Variants in CMIP observed in about 807,000 individuals in gnomAD.
CMIP encodes the protein C-Maf-inducing protein.
In CMIP, 13 loss-of-function variants were observed where a neutral mutation model predicts 97.3. The ratio of observed to expected loss-of-function variants is 0.13; its 90% CI spans 0.09 to 0.21. The LOEUF (loss-of-function observed/expected upper bound fraction) is 0.21. Among genes scored for constraint, CMIP ranks in the 10% least tolerant of loss-of-function variants. The pLI, the probability that CMIP is intolerant of heterozygous loss-of-function variation, is 1.00. For synonymous variants in CMIP, 538 were observed against 436.3 expected, an observed-to-expected ratio of 1.23 and a Z score of -2.91; for missense variants, 847 against 1,024.9, an observed-to-expected ratio of 0.83 and a Z score of 2.37.
At chr16:81,554,435 CT>C (rs1295571131) in intron 1 of CMIP, among the ~76,000 whole-genome samples, 2 of 152,214 alleles carry the variant, frequency 1.3e-5, no homozygotes, top group East Asian at 3.8e-4. Flanking sequence ...ACTGTGTGCC[CT>C]GGCAGACATC....
intron 1 of CMIP, among the ~76,000 whole-genome samples, chr16:81,492,562 G>T (rs960857683): frequency 6.6e-6 from 1 of 151,700 alleles, no homozygotes; most frequent in Non-Finnish European, 1.5e-5. Context: ...GTGCTGGCCG[G>T]CTGGGCCTTG....
intron 3 of CMIP, among the ~76,000 whole-genome samples, chr16:81,622,892 C>T (rs2092011405): frequency 6.6e-6 from 1 of 152,190 alleles, no homozygotes; most frequent in South Asian, 2.1e-4. Flanking sequence ...TTTAAAAGCT[C>T]GGCCTTGAAA....
At chr16:81,597,600 G>A (rs1023170363) in intron 1 of CMIP, among the ~76,000 whole-genome samples, 4 of 151,562 alleles carry the variant, frequency 2.6e-5, no homozygotes, top group Non-Finnish European at 4.4e-5. Context: ...GAGCGGGGGG[G>A]GGGGAGTCTC....
At chr16:81,657,253 C>G (rs985759129) in intron 4 of CMIP, among the ~76,000 whole-genome samples, 3 of 152,196 alleles carry the variant, frequency 2.0e-5, no homozygotes, top group African/African-American at 4.8e-5. Context: ...GCTAAAACAT[C>G]TCGGGCCCAC....
intron 1 of CMIP, among the ~76,000 whole-genome samples, chr16:81,488,042 ATTG>A (rs1330538190): frequency 1.3e-5 from 2 of 151,736 alleles, no homozygotes; most frequent in African/African-American, 2.4e-5. Context: ...ATTTTTATTT[ATTG>A]TTGTTTTATT....
chr16:81,510,759 G>A (rs540474970), intron 1 of CMIP, among the ~76,000 whole-genome samples: 364 of 151,822 alleles, frequency 2.4e-3, no homozygotes, highest in Non-Finnish European at 3.9e-3. Flanking sequence ...TTGTTCTGTC[G>A]CCCAGGCTGG....
chr16:81,596,399 G>A (rs796738574), intron 1 of CMIP, among the ~76,000 whole-genome samples: 6 of 151,692 alleles, frequency 4.0e-5, no homozygotes, highest in African/African-American at 1.2e-4. Context: ...CCTGCTACTC[G>A]GGAGGCTGAG....
At chr16:81,702,786 A>AG (rs1907567870) in intron 17 of CMIP, 117 bp downstream of exon 17, 1 of 866,862 alleles carries the variant, frequency 1.2e-6, no homozygotes, top group South Asian at 1.4e-5. Flanking sequence ...GCGGGGCACA[A>AG]GGACCCCCTA....
At chr16:81,670,826 T>TTTTGTTTG (rs957425268) in intron 8 of CMIP, among the ~76,000 whole-genome samples, 1 of 152,024 alleles carries the variant, frequency 6.6e-6, no homozygotes, top group African/African-American at 2.4e-5. Context: ...TTCTCATCTC[T>TTTTGTTTG]TTTGTTTGTT....
chr16:81,555,610 G>C (rs536346553), intron 1 of CMIP, among the ~76,000 whole-genome samples: 17 of 152,342 alleles, frequency 1.1e-4, no homozygotes, highest in African/African-American at 4.1e-4. Flanking sequence ...AGAGATCTGA[G>C]ATGACCCCAT....
chr16:81,677,166 G>A (rs888984008), intron 9 of CMIP, among the ~76,000 whole-genome samples: 1 of 152,132 alleles, frequency 6.6e-6, no homozygotes, highest in Non-Finnish European at 1.5e-5. Flanking sequence ...GGCAAGAGTA[G>A]CAGGAAGAAA....
chr16:81,676,729 G>A (rs144582095), intron 9 of CMIP, among the ~76,000 whole-genome samples: 37 of 152,218 alleles, frequency 2.4e-4, no homozygotes, highest in African/African-American at 7.7e-4. Flanking sequence ...GCATGTGCTG[G>A]ATACATTCAG....
At chr16:81,699,623 A>C in intron 14 of CMIP, 62 bp from the exon 15 acceptor site, 1 of 1,106,196 alleles carries the variant, frequency 9.0e-7, no homozygotes, top group Non-Finnish European at 1.4e-6. Context: ...ACTTCCTGCC[A>C]GCACGCTGGA....
chr16:81,696,409 A>G, intron 13 of CMIP, 151 bp from the exon 14 acceptor site: 1 of 737,098 alleles, frequency 1.4e-6, no homozygotes, highest in South Asian at 1.7e-5. Context: ...CATTTGGTGG[A>G]AGGCTGGGGG....
chr16:81,600,150 G>C (rs1356731603), intron 1 of CMIP, among the ~76,000 whole-genome samples: 1 of 151,874 alleles, frequency 6.6e-6, no homozygotes, highest in Non-Finnish European at 1.5e-5. Context: ...GTGGTGGTGG[G>C]TGACTGTAAT....
In CMIP at chr16:81,621,953, C is replaced by T. The variant is rs2091998120; in HGVS notation, c.477+1027C>T. On this transcript the variant is annotated intron_variant, in intron 3 of 20. Transcript: ENST00000537098. The surrounding 1 kb of genome is among the most constrained non-coding windows in gnomAD (Gnocchi z 4.1). ...GTCCTCTTGCTTTGTGCTGTGGGGC[C>T]AAGTCTCAGAAGCTGAGCTGAGTCT... The T allele has an allele frequency of 6.6e-6, 1 of 152,246 alleles. No homozygotes were observed. The highest frequency in any genetic ancestry group is 6.5e-5 in the Admixed American group (1 of 15,280). The allele number at this position is 152,246 out of a possible 1,614,324, so 9.4% of individuals were successfully genotyped here. A position where few individuals can be genotyped will look rare whatever the true frequency, so the allele number is the denominator to read the frequency against.
At chr16:81,588,971 A>G (rs1265174527) in intron 1 of CMIP, among the ~76,000 whole-genome samples, 1 of 152,108 alleles carries the variant, frequency 6.6e-6, no homozygotes, top group African/African-American at 2.4e-5. Context: ...ATATAAAGTC[A>G]GGTTTTCTGT....
At chr16:81,584,448 G>A (rs1015687255) in intron 1 of CMIP, among the ~76,000 whole-genome samples, 2 of 152,192 alleles carry the variant, frequency 1.3e-5, no homozygotes, top group East Asian at 1.9e-4. Context: ...GTAAGGCCAT[G>A]TTTGTATATG....
At chr16:81,617,031 T>C (rs2091928105) in intron 2 of CMIP, 1 of 152,352 alleles carries the variant, frequency 6.6e-6, no homozygotes, top group African/African-American at 2.4e-5. Flanking sequence ...CAGAACCATC[T>C]GGATGTGAGC....
Sources: gnomAD v4.1 joint callset for allele counts (sites outside exome capture counted in the v4.1 genomes callset) on GRCh38, gnomAD v4.1.1 for gene constraint, Gnocchi (gnomAD v3.1) non-coding constraint, MANE v1.5 for transcripts, NCBI Gene and HGNC (gene_info 2026-07-23, HGNC 2026-07-21) for gene names.